Variants in LIPC observed in about 807,000 individuals in gnomAD.
LIPC encodes lipase C, hepatic type, also known as hepatic triacylglycerol lipase.
A neutral mutation model predicts 50.7 loss-of-function variants in LIPC; 44 were observed. The ratio of observed to expected loss-of-function variants is 0.87; its 90% CI spans 0.68 to 1.11. The LOEUF is 1.11. Among genes scored for constraint, LIPC ranks in the 50% most tolerant of loss-of-function variants. The pLI, the probability that LIPC is intolerant of heterozygous loss-of-function variation, is 0.00. For missense variants in LIPC, 697 were observed against 648.2 expected (o/e 1.08, Z -0.82); for synonymous variants, 271 against 256.4 (o/e 1.06, Z -0.54).
At chr15:58,540,068 C>CTA (rs1290972848) in intron 2 of LIPC, among the ~76,000 whole-genome samples, 1 of 152,194 alleles carries the variant, frequency 6.6e-6, no homozygotes, top group Admixed American at 6.5e-5. Flanking sequence ...GGATTCTGTC[C>CTA]TATTCTCATC....
intron 5 of LIPC, 119 bp downstream of exon 5, chr15:58,546,094 G>A: frequency 1.1e-6 from 1 of 890,502 alleles, no homozygotes; most frequent in Non-Finnish European, 1.8e-6. Flanking sequence ...TAGGGGCCCA[G>A]GGTGTATGGT....
intron 1 of LIPC, among the ~76,000 whole-genome samples, chr15:58,434,110 C>T (rs1893211434): frequency 6.6e-6 from 1 of 152,144 alleles, no homozygotes; most frequent in Non-Finnish European, 1.5e-5. Flanking sequence ...GAGTGCTTCC[C>T]TTCCAGCATC....
chr15:58,505,414 A>T (rs193147749), intron 1 of LIPC, among the ~76,000 whole-genome samples: 20 of 152,354 alleles, frequency 1.3e-4, no homozygotes, highest in African/African-American at 4.8e-4. Flanking sequence ...ATGATTTAAT[A>T]TACAAAAAAA....
At chr15:58,452,169 G>A (rs1208231575) in intron 1 of LIPC, among the ~76,000 whole-genome samples, 1 of 152,116 alleles carries the variant, frequency 6.6e-6, no homozygotes, top group Non-Finnish European at 1.5e-5. Flanking sequence ...TGGCCCCCAG[G>A]CCAACAGTAT....
At chr15:58,472,647 A>T (rs1298382628) in intron 1 of LIPC, among the ~76,000 whole-genome samples, 2 of 152,058 alleles carry the variant, frequency 1.3e-5, no homozygotes, top group Non-Finnish European at 2.9e-5. Context: ...GAAAATAGAT[A>T]TAATTATATT....
chr15:58,479,966 A>G (rs562264283), intron 1 of LIPC, among the ~76,000 whole-genome samples: 31 of 152,294 alleles, frequency 2.0e-4, no homozygotes, highest in Non-Finnish European at 4.0e-4. Context: ...CCTCCAATCT[A>G]AGTTCCCCAG....
chr15:58,494,730 T>C (rs1489220746), intron 1 of LIPC: 1 of 454,344 alleles, frequency 2.2e-6, no homozygotes, highest in Non-Finnish European at 4.4e-6. Context: ...GGGTGGGATC[T>C]CTTTAATGAC....
At chr15:58,502,331 G>A (rs1449543345) in intron 1 of LIPC, among the ~76,000 whole-genome samples, 3 of 152,052 alleles carry the variant, frequency 2.0e-5, no homozygotes. Context: ...CTCCCCACCA[G>A]ATTGGATGCA....
At chr15:58,567,748 C>CA (rs11381402) in intron 8 of LIPC, among the ~76,000 whole-genome samples, 150,020 of 152,256 alleles carry the variant, frequency 0.99, 73,954 homozygotes, top group East Asian at 1. Context: ...TTTCTGGTAA[C>CA]AGGAAAAATT....
chr15:58,464,036 G>C (rs1404859089), intron 1 of LIPC, among the ~76,000 whole-genome samples: 1 of 151,962 alleles, frequency 6.6e-6, no homozygotes, highest in Non-Finnish European at 1.5e-5. Flanking sequence ...ACAGATGAAA[G>C]GCAAATAACC....
chr15:58,467,834 G>C (rs1239208676), intron 1 of LIPC, among the ~76,000 whole-genome samples: 2 of 152,156 alleles, frequency 1.3e-5, no homozygotes, highest in African/African-American at 4.8e-5. Flanking sequence ...ACAGCTAAAA[G>C]TTGTTTGGCA....
At chr15:58,507,029 A>G (rs1417643494) in intron 1 of LIPC, among the ~76,000 whole-genome samples, 1 of 152,138 alleles carries the variant, frequency 6.6e-6, no homozygotes, top group African/African-American at 2.4e-5. Flanking sequence ...TCTCGTGAGA[A>G]CTCACTGTCA....
intron 1 of LIPC, chr15:58,435,425 C>G (rs1178152138): frequency 7.1e-6 from 1 of 141,738 alleles, no homozygotes; most frequent in African/African-American, 2.6e-5. Flanking sequence ...CACTGTACAA[C>G]AGGGGGCTGC....
intron 1 of LIPC, among the ~76,000 whole-genome samples, chr15:58,500,739 C>T (rs1891955846): frequency 7.6e-6 from 1 of 131,440 alleles, no homozygotes. Flanking sequence ...TCTCCCCCCA[C>T]CACCCCCCTC....
intron 1 of LIPC, among the ~76,000 whole-genome samples, chr15:58,463,219 G>T (rs1894419077): frequency 6.6e-6 from 1 of 152,264 alleles, no homozygotes; most frequent in Admixed American, 6.5e-5. Flanking sequence ...GGACATGGAG[G>T]TGGGAGGGGA....
intron 1 of LIPC, among the ~76,000 whole-genome samples, chr15:58,453,990 A>G (rs534207566): frequency 2.6e-5 from 4 of 152,280 alleles, no homozygotes; most frequent in African/African-American, 9.6e-5. Flanking sequence ...CTTCACATAC[A>G]TTATCTCAGT....
At chr15:58,526,316 T>G (rs144660408) in intron 1 of LIPC, among the ~76,000 whole-genome samples, 57 of 151,994 alleles carry the variant, frequency 3.8e-4, no homozygotes, top group Non-Finnish European at 1.5e-5. Flanking sequence ...CTGGCTGGAG[T>G]GTTTTGCAGT....
chr15:58,489,220 GGGC>G lies in LIPC; in HGVS notation c.89-49110_89-49108del, dbSNP rs1453656419. ...CCATTAGGGATTCATTTTGTTGCGG[GGGC>G]GGGGGGGCGGCTTACAAGCTTCCCA... On this transcript the variant is annotated intron_variant, in intron 1 of 8. Transcript: ENST00000299022. Among the ~76,000 whole-genome samples, 192 of 32,322 alleles carry G rather than the reference GGGC, an allele frequency of 5.9e-3. 45 individuals are homozygous for G. Among genetic ancestry groups the G allele is most frequent in the South Asian group, 0.01 (6 of 578 alleles). The allele number at this position is 32,322 out of a possible 152,430, so 21.2% of individuals were successfully genotyped here. A position where few individuals can be genotyped will look rare whatever the true frequency, so the allele number is the denominator to read the frequency against.
chr15:58,566,087 T>C (rs1894356885), intron 8 of LIPC: 14 of 977,370 alleles, frequency 1.4e-5, no homozygotes, highest in Non-Finnish European at 1.7e-5. Flanking sequence ...GGTTCTGCTT[T>C]AGTGAGTCTG....
Sources: gnomAD v4.1 joint callset for allele counts (sites outside exome capture counted in the v4.1 genomes callset) on GRCh38, gnomAD v4.1.1 for gene constraint, MANE v1.5 for transcripts, NCBI Gene and HGNC (gene_info 2026-07-23, HGNC 2026-07-21) for gene names.